SNTG2: variants seen among roughly 807,000 people sequenced by gnomAD.
The protein encoded by SNTG2 is syntrophin gamma 2.
A neutral mutation model predicts 70.9 loss-of-function variants in SNTG2; 74 were observed. The observed-to-expected ratio is 1.04, with a 90% CI of 0.86 to 1.27. The LOEUF is 1.27. Ranked by LOEUF, SNTG2 falls within the 50% of genes most tolerant of loss-of-function variation. The pLI, the probability that SNTG2 is intolerant of heterozygous loss-of-function variation, is 0.00. For missense variants in SNTG2, 717 were observed against 690.7 expected, an observed-to-expected ratio of 1.04 and a Z score of -0.43; for synonymous variants, 278 against 273.8, an observed-to-expected ratio of 1.02 and a Z score of -0.15.
At chr2:1,017,641 A>G (rs970324129) in intron 1 of SNTG2, among the ~76,000 whole-genome samples, 8 of 152,376 alleles carry the variant, frequency 5.3e-5, no homozygotes, top group South Asian at 2.1e-4. Flanking sequence ...TTGAATATAC[A>G]GATGCACACC....
At chr2:1,236,706 C>T (rs192247925) in intron 9 of SNTG2, among the ~76,000 whole-genome samples, 2 of 152,258 alleles carry the variant, frequency 1.3e-5, no homozygotes, top group Non-Finnish European at 2.9e-5. Flanking sequence ...AGATTTGGCT[C>T]AAAAATATGC....
At chr2:1,047,294 G>C (rs1225596452) in intron 1 of SNTG2, among the ~76,000 whole-genome samples, 1 of 152,132 alleles carries the variant, frequency 6.6e-6, no homozygotes, top group Non-Finnish European at 1.5e-5. Flanking sequence ...TTTCAACTTT[G>C]TCCTGAATCC....
chr2:1,222,063 GTTT>G (rs1675138462), intron 9 of SNTG2, among the ~76,000 whole-genome samples: 78 of 4,204 alleles, frequency 0.019, 21 homozygotes, highest in East Asian at 0.029. Flanking sequence ...CTCTGTCTCT[GTTT>G]CTCTCTGTCT....
At chr2:992,970 C>T (rs1572200792) in intron 1 of SNTG2, among the ~76,000 whole-genome samples, 2 of 152,252 alleles carry the variant, frequency 1.3e-5, no homozygotes. Context: ...ACCCCTCCCC[C>T]CAAATCCTGG....
intron 9 of SNTG2, among the ~76,000 whole-genome samples, chr2:1,224,935 A>G (rs1157641930): frequency 6.6e-6 from 1 of 152,230 alleles, no homozygotes; most frequent in East Asian, 1.9e-4. Flanking sequence ...TAACACCTAA[A>G]CAAATATATA....
At chr2:1,283,885 A>G (rs1679660938) in intron 14 of SNTG2, among the ~76,000 whole-genome samples, 1 of 152,296 alleles carries the variant, frequency 6.6e-6, no homozygotes, top group South Asian at 2.1e-4. Flanking sequence ...TACCTATCCA[A>G]ATATAAAATA....
intron 6 of SNTG2, 95 bp from the exon 7 acceptor site, chr2:1,165,453 C>T: frequency 2.5e-6 from 3 of 1,185,238 alleles, no homozygotes; most frequent in Non-Finnish European, 3.6e-6. Flanking sequence ...ACTTTGAATT[C>T]TTGGGAAACA....
intron 1 of SNTG2, among the ~76,000 whole-genome samples, chr2:1,048,253 C>A (rs1259004467): frequency 6.6e-6 from 1 of 152,102 alleles, no homozygotes; most frequent in Non-Finnish European, 1.5e-5. Flanking sequence ...GGAAAAGTGT[C>A]CAAATCATAT....
chr2:1,307,312 TTG>T (rs142934963), intron 14 of SNTG2, among the ~76,000 whole-genome samples: 49,884 of 139,188 alleles, frequency 0.36, 8,557 homozygotes, highest in Middle Eastern at 0.48. Context: ...CAGCCCTGCA[TTG>T]TGTGTGTGTG....
chr2:1,266,486 T>A (rs191193249), intron 13 of SNTG2, among the ~76,000 whole-genome samples: 98 of 152,256 alleles, frequency 6.4e-4, no homozygotes, highest in Non-Finnish European at 1.2e-3. Flanking sequence ...TGGAACAACA[T>A]CATTACATCA....
chr2:1,255,843 A>AATATAAATATATATAAATATATATAAAT (rs1678035640), intron 12 of SNTG2, among the ~76,000 whole-genome samples: 1 of 32,434 alleles, frequency 3.1e-5, no homozygotes, highest in African/African-American at 1.5e-4. Context: ...AATATATATA[A>AATATAAATATATATAAATATATATAAAT]ATATATATAA....
chr2:1,280,085 CAAA>C (rs893768227), intron 14 of SNTG2, among the ~76,000 whole-genome samples: 1 of 151,832 alleles, frequency 6.6e-6, no homozygotes, highest in Non-Finnish European at 1.5e-5. Context: ...GATAAATTTT[CAAA>C]AAAATCTTTT....
At chr2:1,237,776 C>T in intron 9 of SNTG2, 112 bp from the exon 10 acceptor site, 1 of 1,362,968 alleles carries the variant, frequency 7.3e-7, no homozygotes, top group Non-Finnish European at 9.8e-7. Context: ...GTGCAGTTGC[C>T]CCATGTCCTG....
rs190168491 is a variant in SNTG2, at chr2:1,011,134, G to A, written c.72+60066G>A. 1.6e-3 allele frequency among the ~76,000 whole-genome samples: 242 copies of A among 152,322 alleles called. 4 individuals carry two copies. In the South Asian group the frequency reaches 0.019, roughly 12 times the overall value. On this transcript the variant is annotated intron_variant, in intron 1 of 16. Coordinates refer to ENST00000308624, the MANE Select transcript of SNTG2 (RefSeq NM_018968.4). ...ATAAAAACATGATCAGCAAGTATGA[G>A]CTCTGTCTGCCTCACTGTATCTGAA...
chr2:1,118,682 C>T (rs1667191961), intron 4 of SNTG2, among the ~76,000 whole-genome samples: 1 of 150,950 alleles, frequency 6.6e-6, no homozygotes, highest in Non-Finnish European at 1.5e-5. Context: ...AATCTGTGAA[C>T]TTGAAGAGAG....
chr2:956,069 C>T (rs1266267940), intron 1 of SNTG2, among the ~76,000 whole-genome samples: 1 of 141,900 alleles, frequency 7.0e-6, no homozygotes, highest in African/African-American at 2.6e-5. Flanking sequence ...CTACCCCTGA[C>T]CCTGACTTGT....
intron 1 of SNTG2, among the ~76,000 whole-genome samples, chr2:974,468 C>A (rs994652965): frequency 1.3e-5 from 2 of 152,114 alleles, no homozygotes; most frequent in African/African-American, 2.4e-5. Flanking sequence ...CTGGGGTGAG[C>A]GTTAGGGCAT....
At chr2:1,121,284 T>G (rs911230714) in intron 4 of SNTG2, among the ~76,000 whole-genome samples, 1 of 151,966 alleles carries the variant, frequency 6.6e-6, no homozygotes, top group African/African-American at 2.4e-5. Context: ...TTGATAGTGA[T>G]AAATACCTAC....
intron 4 of SNTG2, among the ~76,000 whole-genome samples, chr2:1,111,668 T>G (rs1458252827): frequency 6.6e-6 from 1 of 152,256 alleles, no homozygotes; most frequent in African/African-American, 2.4e-5. Flanking sequence ...TTCAAATTAC[T>G]TCAAGAATTT....
Sources: gnomAD v4.1 joint callset for allele counts (sites outside exome capture counted in the v4.1 genomes callset) on GRCh38, gnomAD v4.1.1 for gene constraint, MANE v1.5 for transcripts, NCBI Gene and HGNC (gene_info 2026-07-23, HGNC 2026-07-21) for gene names.